Variants in ERCC6 observed in about 807,000 individuals in gnomAD.
ERCC6 encodes DNA excision repair protein ERCC-6.
A neutral mutation model predicts 158.7 loss-of-function variants in ERCC6; 116 were observed. The observed-to-expected ratio is 0.73, with a 90% CI of 0.63 to 0.85. The LOEUF (loss-of-function observed/expected upper bound fraction) is 0.85, where lower values mean the gene tolerates loss of function less well. Ranked by LOEUF, ERCC6 falls within the 40% of genes least tolerant of loss-of-function variation. ERCC6 has a pLI of 0.00. For missense variants in ERCC6, 1,698 were observed against 1,799.4 expected (o/e 0.94, Z 1.02); for synonymous variants, 678 against 659.3 (o/e 1.03, Z -0.43).
Position 49,517,024 on chromosome 10 carries a change from C to T in ERCC6, c.1397+7009G>A, listed in dbSNP as rs765783879. ...TCAGAAACAGGTGCTGTAGCATTTT[C>T]AGGTGGTTGTATCACTATAGCACTT... On this transcript the variant is annotated intron_variant, in intron 5 of 20. Transcript: ENST00000355832. 3 of 1,613,948 alleles carry T rather than the reference C, an allele frequency of 1.9e-6. No individual in the cohort carries two copies. In the South Asian group the frequency reaches 3.3e-5, roughly 18 times the overall value.
At chr10:49,462,592 C>A (rs1206865512) in intron 18 of ERCC6, among the ~76,000 whole-genome samples, 1 of 151,884 alleles carries the variant, frequency 6.6e-6, no homozygotes, top group Non-Finnish European at 1.5e-5. Context: ...AAGCTAACAT[C>A]CCTAATATAT....
At chr10:49,482,557 T>A (rs1850997730) in intron 10 of ERCC6, 130 bp downstream of exon 10, 17 of 668,172 alleles carry the variant, frequency 2.5e-5, no homozygotes, top group Admixed American at 1.6e-4. Flanking sequence ...TTTTTTTTTT[T>A]AACCAGATAC....
intron 5 of ERCC6, chr10:49,515,623 C>T (rs773801564): frequency 2.8e-5 from 45 of 1,613,978 alleles, no homozygotes; most frequent in African/African-American, 6.7e-5. Flanking sequence ...AATTGCCAAG[C>T]ATTTTGTAAG....
At chr10:49,475,889 C>T (rs1212698849) in intron 12 of ERCC6, among the ~76,000 whole-genome samples, 1 of 152,162 alleles carries the variant, frequency 6.6e-6, no homozygotes, top group East Asian at 1.9e-4. Flanking sequence ...TGGGAAAATG[C>T]AGCTATGTAC....
At chr10:49,521,470 A>C (rs1837160440) in intron 5 of ERCC6, among the ~76,000 whole-genome samples, 1 of 152,248 alleles carries the variant, frequency 6.6e-6, no homozygotes, top group Non-Finnish European at 1.5e-5. Flanking sequence ...AGTATATTTT[A>C]AGAAAGCACT....
intron 4 of ERCC6, among the ~76,000 whole-genome samples, chr10:49,525,392 T>C (rs970258826): frequency 6.6e-6 from 1 of 152,226 alleles, no homozygotes; most frequent in Non-Finnish European, 1.5e-5. Context: ...ATGGCTACTA[T>C]AATGGGCAAC....
At chr10:49,462,506 A>C (rs1045079588) in intron 18 of ERCC6, among the ~76,000 whole-genome samples, 50 of 152,224 alleles carry the variant, frequency 3.3e-4, no homozygotes, top group Middle Eastern at 3.4e-3. Flanking sequence ...TTTAAAAAAA[A>C]ACCTGTTTCA....
downstream of ERCC6, among the ~76,000 whole-genome samples, chr10:49,452,286 G>A (rs1329171658): frequency 6.6e-6 from 1 of 151,838 alleles, no homozygotes; most frequent in African/African-American, 2.4e-5. Flanking sequence ...CAGTTTACTT[G>A]TGTCTTAATT....
At chr10:49,533,509 C>T (rs1307246184) in intron 1 of ERCC6, among the ~76,000 whole-genome samples, 1 of 152,198 alleles carries the variant, frequency 6.6e-6, no homozygotes, top group East Asian at 1.9e-4. Context: ...TTAGGCCAGG[C>T]ACGTGGCTCA....
intron 2 of ERCC6, 141 bp downstream of exon 2, chr10:49,532,402 A>G: frequency 7.6e-7 from 1 of 1,312,300 alleles, no homozygotes; most frequent in East Asian, 2.5e-5. Flanking sequence ...GAGGTTGAGG[A>G]CTGCCCTTAT....
chr10:49,459,172 T>A lies in ERCC6; in HGVS notation c.4125A>T (p.Glu1375Asp). 6.2e-7 allele frequency: 1 copy of A among 1,614,242 alleles called. No individual in the cohort carries two copies. The highest frequency in any genetic ancestry group is 1.3e-5 in the African/African-American group (1 of 75,076). Reference protein sequence around the residue: ...NVPEHFSGRAEDADSSSGPLA... With the variant: ...NVPEHFSGRADDADSSSGPLA... ...GGGGCCCGGATGAAGAGTCTGCATC[T>A]TCTGCTCTTCCACTAAAATGCTCAG... Residue 1375 changes from glutamate to aspartate, a missense_variant, in exon 21 of 21, where the codon GAA becomes GAT. Glu to Asp is a conservative substitution (Grantham distance 45). Coordinates refer to ENST00000355832, the MANE Select transcript of ERCC6 (RefSeq NM_000124.4).
rs4253206 is a variant in ERCC6, at chr10:49,471,040, T to C, written c.3005A>G (p.Tyr1002Cys). The change falls in exon 17 of 21, where the codon TAT (tyrosine) becomes TGT (cysteine). Residue 1002 changes from tyrosine to cysteine, a missense_variant. Coordinates refer to ENST00000355832, the MANE Select transcript of ERCC6 (RefSeq NM_000124.4). ...QRRFFKSNDL[Y>C]ELFTLTSPDA... ...AGGACTAGTCAGAGTAAATAGCTCA[T>C]AGAGATCATTGGATTTGAAAAACCG... is the stretch of plus-strand genomic sequence containing the variant. 32 of 1,614,108 alleles carry C rather than the reference T, an allele frequency of 2.0e-5. No individual in the cohort carries two copies. In the African/African-American group the frequency reaches 3.7e-4, roughly 19 times the overall value.
Position 49,476,286 on chromosome 10 carries a change from C to T in ERCC6, c.2311G>A (p.Glu771Lys). ...EQVLFCRLTD[E>K]QHKVYQNFVD... The stretch of plus-strand genomic sequence containing the variant: ...AAATTTTGGTAGACTTTATGCTGCT[C>T]ATCTGTAAGACGGCAAAATAAGACC... Residue 771 changes from glutamate to lysine, a missense_variant, in exon 12 of 21, where the codon GAG becomes AAG. Physicochemically the swap from Glu to Lys is moderately conservative, Grantham distance 56. Transcript: ENST00000355832. The T allele has an allele frequency of 6.2e-7, 1 of 1,613,456 alleles. No individual in the cohort carries two copies. The highest frequency in any genetic ancestry group is 2.2e-5 in the East Asian group (1 of 44,862).
At chr10:49,491,708 G>C (rs142981983) in intron 8 of ERCC6, among the ~76,000 whole-genome samples, 6 of 152,292 alleles carry the variant, frequency 3.9e-5, no homozygotes, top group African/African-American at 1.4e-4. Flanking sequence ...CATGATCCAG[G>C]TGAAGGTGTC....
At chr10:49,484,879 A>G (rs572905700) in intron 8 of ERCC6, among the ~76,000 whole-genome samples, 2 of 152,360 alleles carry the variant, frequency 1.3e-5, no homozygotes, top group East Asian at 3.9e-4. Flanking sequence ...AAAATGTCCG[A>G]AGGCAAAGAG....
At chr10:49,501,128 A>G (rs2132575885) in intron 6 of ERCC6, 1 of 230,842 alleles carries the variant, frequency 4.3e-6, no homozygotes, top group Middle Eastern at 1.7e-3. Context: ...AATAGCATCA[A>G]AAAAGCAGGA....
chr10:49,538,763 C>A (rs1265214927), intron 1 of ERCC6, among the ~76,000 whole-genome samples, 199 bp downstream of exon 1: 1 of 152,252 alleles, frequency 6.6e-6, no homozygotes, highest in African/African-American at 2.4e-5. Flanking sequence ...CAGGTGAGCG[C>A]TCCTTGGCGC....
At chr10:49,447,542 T>G in the ERCC6 span, among the ~76,000 whole-genome samples, 1 of 151,856 alleles carries the variant, frequency 6.6e-6, no homozygotes, top group African/African-American at 2.4e-5. Flanking sequence ...ACAAAAAAAA[T>G]TAGCCGGGCA....
chr10:49,538,383 G>C (rs1045568849), intron 1 of ERCC6, among the ~76,000 whole-genome samples: 3 of 152,222 alleles, frequency 2.0e-5, no homozygotes, highest in African/African-American at 7.2e-5. Flanking sequence ...CCTACTTTAT[G>C]CCAGAGACCA....
Sources: gnomAD v4.1 joint callset for allele counts (sites outside exome capture counted in the v4.1 genomes callset) on GRCh38, gnomAD v4.1.1 for gene constraint, MANE v1.5 for transcripts, NCBI Gene and HGNC (gene_info 2026-07-23, HGNC 2026-07-21) for gene names.